ANO2: variants seen among roughly 807,000 people sequenced by gnomAD.
The protein encoded by ANO2 is anoctamin-2.
ANO2 carries 101 observed loss-of-function variants against 124.2 expected under a neutral mutation model. The observed-to-expected ratio is 0.81, with a 90% CI of 0.69 to 0.96. The LOEUF (loss-of-function observed/expected upper bound fraction) is 0.96, where lower values mean the gene tolerates loss of function less well. Ranked by LOEUF, ANO2 falls within the 40% of genes least tolerant of loss-of-function variation. ANO2 has a pLI of 0.00. For missense variants in ANO2, 1,293 were observed against 1,274.5 expected, an observed-to-expected ratio of 1.01 and a Z score of -0.22; for synonymous variants, 486 against 482.5, an observed-to-expected ratio of 1.01 and a Z score of -0.09.
At chr12:5,825,916 G>A (rs1482341995) in intron 7 of ANO2, among the ~76,000 whole-genome samples, 1 of 152,164 alleles carries the variant, frequency 6.6e-6, no homozygotes, top group African/African-American at 2.4e-5. Flanking sequence ...TGAAGGCAAA[G>A]GGAATACAGA....
At chr12:5,612,390 G>T (rs1944584672) in intron 19 of ANO2, among the ~76,000 whole-genome samples, 1 of 152,034 alleles carries the variant, frequency 6.6e-6, no homozygotes, top group African/African-American at 2.4e-5. Context: ...ATGCACTCTG[G>T]GGGCCAAGAC....
At position 5,629,360 on chromosome 12, in the gene ANO2, C is replaced by T. The variant is rs1357388342; in HGVS notation, c.1816+5792G>A. The stretch of plus-strand genomic sequence containing the variant: ...CTAGAGTAGAGACAGGCCGCCTTTC[C>T]AGGCCAAGCCTGACCATTGCCTATG... On this transcript the variant is annotated intron_variant, in intron 16 of 24. Transcript: ENST00000682330. Among the ~76,000 whole-genome samples the T allele has an allele frequency of 2.0e-5, 3 of 152,314 alleles. No individual in the cohort carries two copies. In the East Asian group the frequency reaches 5.8e-4, roughly 29 times the overall value.
At chr12:5,594,099 A>G (rs1436006435) in intron 20 of ANO2, among the ~76,000 whole-genome samples, 2 of 152,200 alleles carry the variant, frequency 1.3e-5, no homozygotes, top group Admixed American at 6.5e-5. Flanking sequence ...TCATAGCAAA[A>G]TAGACTAAAG....
intron 14 of ANO2, among the ~76,000 whole-genome samples, chr12:5,704,316 G>C (rs1949517896): frequency 6.6e-6 from 1 of 152,172 alleles, no homozygotes; most frequent in Non-Finnish European, 1.5e-5. Context: ...GGCTTCTGCA[G>C]CATCACTAAC....
intron 1 of ANO2, among the ~76,000 whole-genome samples, chr12:5,940,170 CCACATAT>C (rs2136326161): frequency 6.6e-6 from 1 of 152,314 alleles, no homozygotes; most frequent in Non-Finnish European, 1.5e-5. Flanking sequence ...TCCTGGAATG[CCACATAT>C]CGATGTTGTC....
rs1311985950 is a variant in ANO2 at position 5,830,426 on chromosome 12, T to C, written c.840+9A>G. On this transcript the variant is annotated intron_variant, in intron 6 of 24. Coordinates refer to ENST00000682330, the MANE Select transcript of ANO2 (RefSeq NM_001364791.2). ...CCTCTTTCCTAACACAGTACATCCA[T>C]TTACTTACAATGCGGCTGCGGGTGG... The C allele has an allele frequency of 6.2e-7, 1 of 1,612,210 alleles. No homozygotes were observed. Among genetic ancestry groups the C allele is most frequent in the Non-Finnish European group, 8.5e-7 (1 of 1,179,196 alleles).
chr12:5,757,391 C>T (rs1365010203), intron 10 of ANO2, among the ~76,000 whole-genome samples: 1 of 152,142 alleles, frequency 6.6e-6, no homozygotes, highest in Non-Finnish European at 1.5e-5. Flanking sequence ...ACCAGTTAAG[C>T]CTCTAAAATA....
chr12:5,638,302 C>T (rs1350672976), intron 15 of ANO2, among the ~76,000 whole-genome samples: 1 of 143,322 alleles, frequency 7.0e-6, no homozygotes, highest in African/African-American at 2.6e-5. Context: ...GTGGTGCGAT[C>T]TGGGCTCACT....
At chr12:5,602,701 C>T (rs1944001602) in intron 19 of ANO2, among the ~76,000 whole-genome samples, 1 of 152,134 alleles carries the variant, frequency 6.6e-6, no homozygotes, top group African/African-American at 2.4e-5. Flanking sequence ...AAAAAAAAGC[C>T]TCCAGCAAAA....
intron 9 of ANO2, 85 bp from the exon 10 acceptor site, chr12:5,799,656 T>C: frequency 2.4e-6 from 3 of 1,240,872 alleles, no homozygotes; most frequent in East Asian, 2.4e-5. Flanking sequence ...GTCAGATTTT[T>C]ATCCCCAAAG....
intron 13 of ANO2, among the ~76,000 whole-genome samples, chr12:5,738,877 T>TAAA (rs1950980179): frequency 6.6e-6 from 1 of 152,048 alleles, no homozygotes; most frequent in East Asian, 1.9e-4. Flanking sequence ...ACCACAGAGG[T>TAAA]TTAGTGTTTC....
intron 14 of ANO2, among the ~76,000 whole-genome samples, chr12:5,679,038 A>G (rs251757): frequency 1 from 152,227 of 152,362 alleles, 76,046 homozygotes; most frequent in Middle Eastern, 1. Flanking sequence ...AGCCAAAAGT[A>G]TGACACGACC....
chr12:5,884,688 T>C (rs747812021), intron 3 of ANO2, among the ~76,000 whole-genome samples: 1 of 152,214 alleles, frequency 6.6e-6, no homozygotes, highest in East Asian at 1.9e-4. Flanking sequence ...ACAACAACCA[T>C]TGAGATCCTT....
chr12:5,643,153 C>T (rs1186565053), intron 15 of ANO2, among the ~76,000 whole-genome samples: 2 of 152,068 alleles, frequency 1.3e-5, no homozygotes, highest in African/African-American at 2.4e-5. Flanking sequence ...TTCCCTTCTC[C>T]CCCGTACACA....
At chr12:5,588,131 C>T (rs1171705071) in intron 20 of ANO2, among the ~76,000 whole-genome samples, 2 of 152,084 alleles carry the variant, frequency 1.3e-5, no homozygotes, top group Non-Finnish European at 2.9e-5. Context: ...TTTCATTGCT[C>T]TCATTTTTGT....
At chr12:5,822,184 G>A (rs11612424) in intron 7 of ANO2, among the ~76,000 whole-genome samples, 5,477 of 152,290 alleles carry the variant, frequency 0.036, 148 homozygotes, top group African/African-American at 0.066. Flanking sequence ...ATGGCCAGAT[G>A]TGCAATTATA....
At chr12:5,741,284 C>A (rs557448036) in intron 12 of ANO2, among the ~76,000 whole-genome samples, 1 of 119,490 alleles carries the variant, frequency 8.4e-6, no homozygotes, top group African/African-American at 2.8e-5. Context: ...TGGTTGAATA[C>A]ACAGTTACTT....
intron 16 of ANO2, among the ~76,000 whole-genome samples, chr12:5,633,265 T>C (rs1945823950): frequency 6.6e-6 from 1 of 152,214 alleles, no homozygotes; most frequent in Admixed American, 6.5e-5. Flanking sequence ...AAGCAGGTGT[T>C]CTTCTATGCC....
At chr12:5,888,975 C>T (rs1003309420) in intron 3 of ANO2, among the ~76,000 whole-genome samples, 19 of 152,328 alleles carry the variant, frequency 1.2e-4, no homozygotes, top group African/African-American at 3.6e-4. Context: ...GCTGGGGCCA[C>T]GCAGGAGCCC....
Sources: allele counts gnomAD v4.1 joint callset (sites outside exome capture counted in the v4.1 genomes callset), GRCh38; gene constraint gnomAD v4.1.1; transcripts MANE v1.5; gene names NCBI Gene and HGNC (gene_info 2026-07-23, HGNC 2026-07-21).